Variants in GPHN observed in about 807,000 individuals in gnomAD.
GPHN encodes the protein gephyrin.
A neutral mutation model predicts 95.5 loss-of-function variants in GPHN; 17 were observed. The observed-to-expected ratio is 0.18, with a 90% CI of 0.12 to 0.27. The LOEUF is 0.27. GPHN is among the 10% of genes least tolerant of loss of function. The pLI is 1.00. For synonymous variants in GPHN, 320 were observed against 322.5 expected (o/e 0.99, Z 0.08); for missense variants, 660 against 978.1 (o/e 0.67, Z 4.34).
At chr14:66,778,936 T>G (rs1297075847) in intron 3 of GPHN, among the ~76,000 whole-genome samples, 1 of 151,530 alleles carries the variant, frequency 6.6e-6, no homozygotes, top group Non-Finnish European at 1.5e-5. Flanking sequence ...TAGAGATAAA[T>G]TTTCTTCAAG....
rs921005674 is a variant in GPHN, at chr14:66,549,231, A to G, written c.64+40640A>G. Among the ~76,000 whole-genome samples, 6 of 152,270 alleles carry G rather than the reference A, an allele frequency of 3.9e-5. No individual in the cohort carries two copies. The East Asian group carries it at 7.7e-4, about 20-fold the overall frequency. ...ATTATATTGGTAAGTTGTGTGTCAC[A>G]GGGGGTTGGTGAACAGATTATTTTG... On this transcript the variant is annotated intron_variant, in intron 1 of 22. Coordinates refer to ENST00000478722, the MANE Select transcript of GPHN (RefSeq NM_020806.5).
intron 1 of GPHN, among the ~76,000 whole-genome samples, chr14:66,531,143 G>C (rs531517530): frequency 6.6e-6 from 1 of 151,764 alleles, no homozygotes. Flanking sequence ...AAAGGGCTTC[G>C]TCATGTTGGC....
At chr14:67,576,437 A>G in the GPHN span, 2 of 1,610,964 alleles carry the variant, frequency 1.2e-6, no homozygotes, top group Non-Finnish European at 8.5e-7. The surrounding 1 kb of genome is among the most constrained non-coding windows in gnomAD (Gnocchi z 4.0). Flanking sequence ...AGGTGGCAGC[A>G]GTGCCAAGGT....
chr14:66,921,366 CAT>C (rs757376847), intron 6 of GPHN, among the ~76,000 whole-genome samples: 18 of 151,208 alleles, frequency 1.2e-4, no homozygotes, highest in Non-Finnish European at 2.1e-4. Context: ...AACATTTTTT[CAT>C]ATGTTTGTTG....
At chr14:67,531,027 T>C in the GPHN span, among the ~76,000 whole-genome samples, 2 of 152,316 alleles carry the variant, frequency 1.3e-5, no homozygotes, top group South Asian at 2.1e-4. Context: ...CCCTAGCATA[T>C]CCTTCAACTC....
Position 67,045,435 on chromosome 14 carries a change from TTGTCTCTCTCTGTCTC to T in GPHN, c.1007-13194_1007-13179del, listed in dbSNP as rs954941379. 4.6e-5 allele frequency among the ~76,000 whole-genome samples: 7 copies of T among 151,684 alleles called. No homozygotes were observed. The East Asian group carries it at 5.8e-4, about 13-fold the overall frequency. ...GTCTCTCTCTCTTGTCTTTCTGTCTTTGTCTCTCTCTGTCTCTGTCTCTCTCTGTCTCTGTTTCTCT... is the reference window on the plus strand; with the variant it reads ...GTCTCTCTCTCTTGTCTTTCTGTCTTTGTCTCTCTCTGTCTCTGTTTCTCT... On this transcript the variant is annotated intron_variant, in intron 10 of 22. Transcript: ENST00000478722.
chr14:66,959,672 G>T (rs2068766959), intron 8 of GPHN, among the ~76,000 whole-genome samples: 1 of 151,910 alleles, frequency 6.6e-6, no homozygotes, highest in African/African-American at 2.4e-5. Context: ...CTTCATCTTT[G>T]TCACTTTCAA....
chr14:67,022,285 T>A (rs185469609), intron 9 of GPHN, among the ~76,000 whole-genome samples: 1 of 152,140 alleles, frequency 6.6e-6, no homozygotes, highest in East Asian at 1.9e-4. Context: ...TACTTTATTT[T>A]CCATTGTTTA....
At chr14:67,508,766 A>C in the GPHN span, among the ~76,000 whole-genome samples, 1 of 150,780 alleles carries the variant, frequency 6.6e-6, no homozygotes, top group Non-Finnish European at 1.5e-5. Flanking sequence ...AAAAAAAAAA[A>C]AAAAACAGAA....
At chr14:67,637,017 C>T in the GPHN span, among the ~76,000 whole-genome samples, 45 of 152,334 alleles carry the variant, frequency 3.0e-4, no homozygotes, top group African/African-American at 1.1e-3. Context: ...ATTACAATGT[C>T]TGCATTTTTC....
intron 3 of GPHN, among the ~76,000 whole-genome samples, chr14:66,782,866 A>G (rs1390838632): frequency 3.9e-5 from 6 of 152,026 alleles, no homozygotes; most frequent in Admixed American, 3.9e-4. Context: ...AACCAAAAGA[A>G]AGAAAGAAAG....
chr14:67,356,438 A>G, the GPHN span, among the ~76,000 whole-genome samples: 4 of 143,874 alleles, frequency 2.8e-5, no homozygotes, highest in Non-Finnish European at 5.9e-5. Flanking sequence ...CAAAAACAAA[A>G]AAAAAAAAAC....
At chr14:66,781,812 A>T (rs559618277) in intron 3 of GPHN, among the ~76,000 whole-genome samples, 1 of 152,292 alleles carries the variant, frequency 6.6e-6, no homozygotes, top group East Asian at 1.9e-4. Context: ...TGGGACGATT[A>T]TGAAAAGTGA....
the GPHN span, chr14:67,728,016 G>A: frequency 1.3e-5 from 2 of 152,264 alleles, no homozygotes; most frequent in African/African-American, 4.8e-5. Context: ...TGTGGATGTG[G>A]ATGTGGATGT....
the GPHN span, among the ~76,000 whole-genome samples, chr14:67,316,111 A>G: frequency 6.6e-6 from 1 of 152,238 alleles, no homozygotes; most frequent in Non-Finnish European, 1.5e-5. Context: ...ATAAAATAAA[A>G]AAGTGGAACC....
chr14:66,569,670 A>T (rs2060599984), intron 1 of GPHN, among the ~76,000 whole-genome samples: 1 of 152,064 alleles, frequency 6.6e-6, no homozygotes, highest in Non-Finnish European at 1.5e-5. Context: ...CAAAAAAAAA[A>T]AAATTAAATT....
the GPHN span, chr14:67,642,038 C>T: frequency 1.3e-6 from 1 of 791,676 alleles, no homozygotes; most frequent in East Asian, 2.7e-5. Flanking sequence ...TCGAGATAAT[C>T]TTCCCACAAT....
the GPHN span, chr14:67,225,235 T>G: frequency 6.6e-7 from 1 of 1,523,508 alleles, no homozygotes; most frequent in Non-Finnish European, 8.8e-7. Context: ...AAAGACAAAG[T>G]TGATGGAAAA....
At chr14:67,113,206 G>A (rs2078479114) in intron 16 of GPHN, 35 bp downstream of exon 16, 1 of 1,566,830 alleles carries the variant, frequency 6.4e-7, no homozygotes, top group Non-Finnish European at 8.8e-7. Flanking sequence ...GTGGGGAGAG[G>A]GCCCATAAGA....
Sources: gnomAD v4.1 joint callset for allele counts (sites outside exome capture counted in the v4.1 genomes callset) on GRCh38, gnomAD v4.1.1 for gene constraint, Gnocchi (gnomAD v3.1) non-coding constraint, MANE v1.5 for transcripts, NCBI Gene and HGNC (gene_info 2026-07-23, HGNC 2026-07-21) for gene names.